SAMSN1: variants seen among roughly 807,000 people sequenced by gnomAD.
SAMSN1 encodes the protein SAM domain, SH3 domain and nuclear localization signals 1, also known as SAM domain-containing protein SAMSN-1.
Under a neutral mutation model 42.0 loss-of-function variants are expected in SAMSN1, and 31 were observed. That is an observed-to-expected ratio of 0.74 (90% confidence interval 0.55 to 1.00). The LOEUF (loss-of-function observed/expected upper bound fraction) is 1.00. SAMSN1 is among the 50% of genes least tolerant of loss of function. The pLI is 0.00. For missense variants in SAMSN1, 464 were observed against 439.4 expected, an observed-to-expected ratio of 1.06 and a Z score of -0.50; for synonymous variants, 178 against 151.9, an observed-to-expected ratio of 1.17 and a Z score of -1.26.
intron 2 of SAMSN1, among the ~76,000 whole-genome samples, chr21:14,552,133 A>G (rs905521572): frequency 2.4e-4 from 36 of 152,228 alleles, no homozygotes; most frequent in African/African-American, 8.4e-4. Context: ...ATTCAGTATC[A>G]TGGGGACAAA....
At chr21:14,615,414 C>A (rs1366415282) in intron 3 of SAMSN1, among the ~76,000 whole-genome samples, 1 of 152,120 alleles carries the variant, frequency 6.6e-6, no homozygotes, top group African/African-American at 2.4e-5. Flanking sequence ...GGCCTCAGAC[C>A]AATCCAGGGT....
In SAMSN1 at chr21:14,525,726, A is replaced by C. The variant is rs577108009; in HGVS notation, c.58-4505T>G. Among the ~76,000 whole-genome samples, 9 of 152,328 alleles carry C rather than the reference A, an allele frequency of 5.9e-5. No individual in the cohort carries two copies. The South Asian group carries it at 8.3e-4, about 14-fold the overall frequency. Reference sequence around the variant, plus strand: ...TTGAATCATTAGCTGGATGGTGGCTATATGGGGGTAGATTTTACTACTCTC... The same window carrying C: ...TTGAATCATTAGCTGGATGGTGGCTCTATGGGGGTAGATTTTACTACTCTC... On this transcript the variant is annotated intron_variant, in intron 1 of 7. Transcript: ENST00000400566.
Position 14,561,026 on chromosome 21 carries a change from T to G in SAMSN1, c.261+21110A>C, listed in dbSNP as rs552530412. 5.3e-5 allele frequency among the ~76,000 whole-genome samples: 8 copies of G among 152,354 alleles called. No homozygotes were observed. The South Asian group carries it at 1.7e-3, about 32-fold the overall frequency. On this transcript the variant is annotated intron_variant, in intron 2 of 8. Transcript: ENST00000285670. ...ACACTGATAAGATAGACACAGTTTCTACCATTCCTTACTGCTCAGGGGTCA... is the reference window on the plus strand; with the variant it reads ...ACACTGATAAGATAGACACAGTTTCGACCATTCCTTACTGCTCAGGGGTCA...
chr21:14,595,458 C>CTA (rs1190031991), intron 6 of SAMSN1, among the ~76,000 whole-genome samples: 1 of 152,080 alleles, frequency 6.6e-6, no homozygotes, highest in African/African-American at 2.4e-5. Flanking sequence ...AGGTACTTTG[C>CTA]TATAGCTGCC....
intron 2 of SAMSN1, among the ~76,000 whole-genome samples, chr21:14,634,087 G>T (rs917254431): frequency 4.6e-5 from 7 of 151,834 alleles, no homozygotes; most frequent in African/African-American, 1.7e-4. Flanking sequence ...TACAAACGGT[G>T]CTGGGAAAAC....
intron 4 of SAMSN1, among the ~76,000 whole-genome samples, chr21:14,611,570 T>G (rs936332743): frequency 1.3e-5 from 2 of 152,234 alleles, no homozygotes; most frequent in African/African-American, 2.4e-5. Flanking sequence ...GTACTGTATG[T>G]GCATGCAGAA....
chr21:14,583,531 A>T, upstream of SAMSN1: 1 of 592,876 alleles, frequency 1.7e-6, no homozygotes, highest in Non-Finnish European at 3.0e-6. Context: ...TTGGCAATAA[A>T]AAAAAATCCT....
intron 3 of SAMSN1, among the ~76,000 whole-genome samples, chr21:14,615,107 G>T (rs1429975029): frequency 6.6e-6 from 1 of 152,122 alleles, no homozygotes; most frequent in African/African-American, 2.4e-5. Flanking sequence ...CATACATGGC[G>T]ATAAGGCTGA....
At chr21:14,576,431 C>G (rs1428672141) in intron 2 of SAMSN1, among the ~76,000 whole-genome samples, 4 of 152,174 alleles carry the variant, frequency 2.6e-5, no homozygotes, top group Non-Finnish European at 4.4e-5. Flanking sequence ...GTTACCTCGT[C>G]TGTCTCCCAG....
chr21:14,538,752 T>G (rs1193895243), intron 1 of SAMSN1, among the ~76,000 whole-genome samples: 1 of 152,120 alleles, frequency 6.6e-6, no homozygotes, highest in Non-Finnish European at 1.5e-5. Context: ...TAGGATCAAA[T>G]GCAAATGGGA....
intron 5 of SAMSN1, among the ~76,000 whole-genome samples, chr21:14,501,371 A>G (rs1238788981): frequency 6.6e-6 from 1 of 152,240 alleles, no homozygotes; most frequent in African/African-American, 2.4e-5. Flanking sequence ...TATCATCATT[A>G]TTAATGTAGA....
intron 2 of SAMSN1, among the ~76,000 whole-genome samples, chr21:14,575,909 C>T (rs1004112471): frequency 6.6e-6 from 1 of 152,192 alleles, no homozygotes; most frequent in African/African-American, 2.4e-5. Context: ...TCAAAGTCTA[C>T]ATCATGGATT....
intron 1 of SAMSN1, among the ~76,000 whole-genome samples, chr21:14,657,124 T>A (rs1250967472): frequency 1.3e-5 from 2 of 151,870 alleles, no homozygotes; most frequent in African/African-American, 4.8e-5. Flanking sequence ...GTTGAGAACC[T>A]ACACTAAATT....
chr21:14,612,298 A>G (rs1352323339), intron 4 of SAMSN1, among the ~76,000 whole-genome samples: 2 of 152,240 alleles, frequency 1.3e-5, no homozygotes, highest in Non-Finnish European at 2.9e-5. Context: ...TGAATGTTTT[A>G]TAATTACTGA....
Position 14,512,304 on chromosome 21 carries a change from A to C in SAMSN1, c.409+140T>G, listed in dbSNP as rs377337079. ...ATTATTTAAACAATAGCAACTCTATATAGATTTAATATATCTTACATTTTT... is the reference window on the plus strand; with the variant it reads ...ATTATTTAAACAATAGCAACTCTATCTAGATTTAATATATCTTACATTTTT... On this transcript the variant is annotated intron_variant, in intron 4 of 7. Coordinates refer to ENST00000400566, the MANE Select transcript of SAMSN1 (RefSeq NM_022136.5). 1.4e-5 allele frequency: 12 copies of C among 854,188 alleles called. No individual in the cohort carries two copies. The East Asian group carries it at 2.0e-4, about 14-fold the overall frequency. 52.9% of individuals were successfully genotyped at this position (854,188 alleles called of 1,614,324 possible).
chr21:14,531,451 C>A (rs1306264313), intron 1 of SAMSN1, among the ~76,000 whole-genome samples: 2 of 151,632 alleles, frequency 1.3e-5, no homozygotes, highest in African/African-American at 4.8e-5. Flanking sequence ...TGAGCAATTT[C>A]TTTCAGGATC....
intron 5 of SAMSN1, 135 bp from the exon 6 acceptor site, chr21:14,500,870 T>A (rs1301909514): frequency 8.3e-6 from 6 of 727,160 alleles, no homozygotes; most frequent in Non-Finnish European, 1.4e-5. Flanking sequence ...ATCTAAACAT[T>A]CACTTGCTTC....
At chr21:14,617,118 C>T (rs905127750) in intron 2 of SAMSN1, among the ~76,000 whole-genome samples, 2 of 152,128 alleles carry the variant, frequency 1.3e-5, no homozygotes, top group African/African-American at 4.8e-5. Flanking sequence ...GTTTGAAATA[C>T]TTGTGCATGA....
intron 5 of SAMSN1, among the ~76,000 whole-genome samples, chr21:14,604,865 A>T (rs1225800705): frequency 6.6e-6 from 1 of 152,224 alleles, no homozygotes; most frequent in Non-Finnish European, 1.5e-5. Flanking sequence ...AGTCTTCCCA[A>T]ATGAAGCCTC....
Sources: allele counts gnomAD v4.1 joint callset (sites outside exome capture counted in the v4.1 genomes callset), GRCh38; gene constraint gnomAD v4.1.1; transcripts MANE v1.5; gene names NCBI Gene and HGNC (gene_info 2026-07-23, HGNC 2026-07-21).